The following STX11 variants were observed in gnomAD, a reference collection of about 807,000 sequenced individuals.
STX11 encodes the protein syntaxin 11.
STX11 carries 21 observed loss-of-function variants against 19.9 expected under a neutral mutation model. The observed-to-expected ratio is 1.06, with a 90% confidence interval of 0.75 to 1.52. The LOEUF (loss-of-function observed/expected upper bound fraction) is 1.52, where lower values mean the gene tolerates loss of function less well. Among genes scored for constraint, STX11 ranks in the 40% most tolerant of loss-of-function variants. The pLI is 0.00. For synonymous variants in STX11, 193 were observed against 174.4 expected (o/e 1.11, Z -0.84); for missense variants, 438 against 405.9 (o/e 1.08, Z -0.68).
Position 144,163,882 on chromosome 6 carries a change from G to A in STX11, c.-6+13179G>A, listed in dbSNP as rs963081633. ...GATTGCTTGAGCCCAGTGGATGGAG[G>A]CTGCAGAAAGCTATGATTGTGCCAC... On this transcript the variant is annotated intron_variant, in intron 1 of 1. Transcript: ENST00000367568. Among the ~76,000 whole-genome samples, 3 of 152,196 alleles carry A rather than the reference G, an allele frequency of 2.0e-5. No individual in the cohort carries two copies. In the East Asian group the frequency reaches 5.8e-4, roughly 29 times the overall value.
At chr6:144,141,957 C>T in the STX11 span, among the ~76,000 whole-genome samples, 2 of 152,098 alleles carry the variant, frequency 1.3e-5, no homozygotes, top group South Asian at 4.1e-4. Context: ...GCTGGGATTA[C>T]AGGCGAGAGC....
chr6:144,168,265 T>A (rs1455233017), intron 1 of STX11, among the ~76,000 whole-genome samples: 1 of 152,240 alleles, frequency 6.6e-6, no homozygotes, highest in Non-Finnish European at 1.5e-5. Flanking sequence ...TCATTAACAA[T>A]GGTGTTTGTC....
At chr6:144,163,164 G>A (rs973970941) in intron 1 of STX11, among the ~76,000 whole-genome samples, 1 of 152,230 alleles carries the variant, frequency 6.6e-6, no homozygotes, top group Admixed American at 6.5e-5. Flanking sequence ...CTGTCAGATA[G>A]TCGATAATGG....
Position 144,188,296 on chromosome 6 carries a change from AAT to A in STX11, c.*810_*811del. The stretch of plus-strand genomic sequence containing the variant: ...TAAATGTAAAATACTAATATTCACT[AAT>A]ATATGTACATAATGATCAATTGGTT... On this transcript the variant is annotated 3_prime_UTR_variant, in exon 2 of 2. Transcript: ENST00000367568. 2 of 231,324 alleles carry A rather than the reference AAT, an allele frequency of 8.6e-6. No homozygotes were observed. Among genetic ancestry groups the A allele is most frequent in the Non-Finnish European group, 1.9e-5 (2 of 107,984 alleles). The allele number at this position is 231,324 out of a possible 1,614,324, so 14.3% of individuals were successfully genotyped here.
In STX11 at chr6:144,183,622, C is replaced by A. The variant is rs1481169612; in HGVS notation, c.-5-3001C>A. Among the ~76,000 whole-genome samples the A allele has an allele frequency of 6.6e-6, 1 of 151,968 alleles. No individual in the cohort carries two copies. Among genetic ancestry groups the A allele is most frequent in the Non-Finnish European group, 1.5e-5 (1 of 67,966 alleles). On this transcript the variant is annotated intron_variant, in intron 1 of 1. Transcript: ENST00000367568. This position sits in a 1 kb window ranked among gnomAD's most constrained non-coding sequence, Gnocchi z 4.6. ...GACACCACAGGAGTTTTAAATTAGA[C>A]TTTTTTTTAATCTAGAAAAAAAATT...
upstream of STX11, among the ~76,000 whole-genome samples, chr6:144,149,642 A>G (rs570975242): frequency 6.6e-6 from 1 of 152,004 alleles, no homozygotes; most frequent in South Asian, 2.1e-4. The surrounding 1 kb of genome is among the most constrained non-coding windows in gnomAD (Gnocchi z 5.1). Flanking sequence ...CGCCCAGTTA[A>G]TTTTTTTATT....
At position 144,162,451 on chromosome 6, in the gene STX11, G is replaced by C. The variant is rs1801366347; in HGVS notation, c.-6+11748G>C. The stretch of plus-strand genomic sequence containing the variant: ...CTTATGCCTTTAGAAAGTTCCTTTA[G>C]TGGAGTTTTGGAAGGGAGCAAAAGT... On this transcript the variant is annotated intron_variant, in intron 1 of 1. Transcript: ENST00000367568. This position sits in a 1 kb window ranked among gnomAD's most constrained non-coding sequence, Gnocchi z 4.6. Among the ~76,000 whole-genome samples the C allele has an allele frequency of 6.6e-6, 1 of 152,154 alleles. No individual in the cohort carries two copies. Among genetic ancestry groups the C allele is most frequent in the African/African-American group, 2.4e-5 (1 of 41,424 alleles).
intron 1 of STX11, among the ~76,000 whole-genome samples, chr6:144,161,870 T>G (rs1801350863): frequency 6.6e-6 from 1 of 152,230 alleles, no homozygotes; most frequent in East Asian, 1.9e-4. Context: ...ACCTCTAAGC[T>G]CCTTATCTTT....
In STX11 at chr6:144,180,852, C is replaced by T. The variant is rs1205908195; in HGVS notation, c.-5-5771C>T. On this transcript the variant is annotated intron_variant, in intron 1 of 1. Transcript: ENST00000367568. The surrounding 1 kb of genome is among the most constrained non-coding windows in gnomAD (Gnocchi z 5.3). ...GCTATTCAAAGCAGGATCTAGGTCT[C>T]AATGGCTAGAATATTTAACTAATAG... Among the ~76,000 whole-genome samples, 1 of 152,186 alleles carries T rather than the reference C, an allele frequency of 6.6e-6. No homozygotes were observed. Among genetic ancestry groups the T allele is most frequent in the African/African-American group, 2.4e-5 (1 of 41,442 alleles).
rs1016560841 is a variant in STX11, at chr6:144,182,629, T to C, written c.-5-3994T>C. Reference sequence around the variant, plus strand: ...CATTTTCTATATGATTGAATTGTACTTGACTCTTCTTATTGTGATGAGATG... The same window carrying C: ...CATTTTCTATATGATTGAATTGTACCTGACTCTTCTTATTGTGATGAGATG... On this transcript the variant is annotated intron_variant, in intron 1 of 1. Transcript: ENST00000367568. The surrounding 1 kb of genome is among the most constrained non-coding windows in gnomAD (Gnocchi z 4.8). Among the ~76,000 whole-genome samples the C allele has an allele frequency of 6.6e-6, 1 of 152,212 alleles. No individual in the cohort carries two copies. Among genetic ancestry groups the C allele is most frequent in the African/African-American group, 2.4e-5 (1 of 41,448 alleles).
At chr6:144,156,798 G>C (rs1801182672) in intron 1 of STX11, among the ~76,000 whole-genome samples, 1 of 152,148 alleles carries the variant, frequency 6.6e-6, no homozygotes. Flanking sequence ...CTACTGCATG[G>C]TAAACCAACA....
upstream of STX11, chr6:144,150,375 G>A: frequency 1.8e-6 from 1 of 560,470 alleles, no homozygotes; most frequent in Non-Finnish European, 2.3e-6. Flanking sequence ...GGGCGGTCCC[G>A]AGCGCATGGA....
In STX11 at chr6:144,153,875, G is replaced by A. The variant is rs1415920666; in HGVS notation, c.-6+3172G>A. ...TAGGATAAGAATATCCTACTCGGTG[G>A]AAGAATAGGTTTGGGCTAAAGGGTG... On this transcript the variant is annotated intron_variant, in intron 1 of 1. Coordinates refer to ENST00000367568, the MANE Select transcript of STX11 (RefSeq NM_003764.4). The surrounding 1 kb of genome is among the most constrained non-coding windows in gnomAD (Gnocchi z 5.0). 1.3e-5 allele frequency among the ~76,000 whole-genome samples: 2 copies of A among 152,208 alleles called. No individual in the cohort carries two copies. The highest frequency in any genetic ancestry group is 2.9e-5 in the Non-Finnish European group (2 of 68,040).
Position 144,190,669 on chromosome 6 carries a change from G to T in STX11, c.*3178G>T, listed in dbSNP as rs1216736128. Among the ~76,000 whole-genome samples, 2 of 151,796 alleles carry T rather than the reference G, an allele frequency of 1.3e-5. No homozygotes were observed. Among genetic ancestry groups the T allele is most frequent in the African/African-American group, 4.8e-5 (2 of 41,288 alleles). ...TCCAAACATGTCCTGAAGAAGAAATGAGATGTTCCACCAAAAACACGTAAG... is the reference window on the plus strand; with the variant it reads ...TCCAAACATGTCCTGAAGAAGAAATTAGATGTTCCACCAAAAACACGTAAG... On this transcript the variant is annotated 3_prime_UTR_variant, in exon 2 of 2. Coordinates refer to ENST00000367568, the MANE Select transcript of STX11 (RefSeq NM_003764.4).
Position 144,187,119 on chromosome 6 carries a change from G to C in STX11, c.492G>C (p.Gln164His). ...RDNCKIRIQR[Q>H]LEIMGKEVSG... ...ACTGCAAGATCCGCATCCAGCGCCAGCTGGAGATCATGGGCAAGGAAGTCT... is the reference window on the plus strand; with the variant it reads ...ACTGCAAGATCCGCATCCAGCGCCACCTGGAGATCATGGGCAAGGAAGTCT... Residue 164 changes from glutamine to histidine, a missense_variant, in exon 2 of 2, where the codon CAG becomes CAC. By Grantham distance (24) the Gln-to-His change is conservative (BLOSUM62 0). Transcript: ENST00000367568. The surrounding 1 kb of genome is among the most constrained non-coding windows in gnomAD (Gnocchi z 5.6). The C allele has an allele frequency of 6.2e-7, 1 of 1,613,986 alleles. No individual in the cohort carries two copies. Among genetic ancestry groups the C allele is most frequent in the Non-Finnish European group, 8.5e-7 (1 of 1,180,020 alleles).
At chr6:144,140,230 ATATATATATATATATATATATATATT>A in the STX11 span, among the ~76,000 whole-genome samples, 1,758 of 48,910 alleles carry the variant, frequency 0.036, 92 homozygotes, top group African/African-American at 0.16. Context: ...ATATATATAT[ATATATATATATATATATATATATATT>A]TATTTATTTA....
rs1801873382 is a variant in STX11, at chr6:144,180,119, T to C, written c.-5-6504T>C. 6.6e-6 allele frequency among the ~76,000 whole-genome samples: 1 copy of C among 152,252 alleles called. No individual in the cohort carries two copies. Among genetic ancestry groups the C allele is most frequent in the South Asian group, 2.1e-4 (1 of 4,828 alleles). On this transcript the variant is annotated intron_variant, in intron 1 of 1. Transcript: ENST00000367568. This position sits in a 1 kb window ranked among gnomAD's most constrained non-coding sequence, Gnocchi z 5.3. ...GCATATTCCCATGTCTGAAAATTTC[T>C]CACTACTTGTAAAAATACTTTAACA...
the STX11 span, among the ~76,000 whole-genome samples, chr6:144,141,764 G>A: frequency 1.3e-5 from 2 of 151,828 alleles, no homozygotes; most frequent in Non-Finnish European, 2.9e-5. Context: ...CTGCAGCCTC[G>A]AATTACTGGG....
chr6:144,148,371 A>C (rs1253846728), upstream of STX11, among the ~76,000 whole-genome samples: 2 of 152,110 alleles, frequency 1.3e-5, no homozygotes, highest in Non-Finnish European at 2.9e-5. Flanking sequence ...TCCTCCCTCA[A>C]TGATTCTCTT....
Sources: gnomAD v4.1 joint callset for allele counts (sites outside exome capture counted in the v4.1 genomes callset) on GRCh38, gnomAD v4.1.1 for gene constraint, Gnocchi (gnomAD v3.1) non-coding constraint, MANE v1.5 for transcripts, NCBI Gene and HGNC (gene_info 2026-07-23, HGNC 2026-07-21) for gene names.